Variants in CCDC186 observed in about 807,000 individuals in gnomAD.
CCDC186 encodes coiled-coil domain containing 186, also known as coiled-coil domain-containing protein 186.
Under a neutral mutation model 113.7 loss-of-function variants are expected in CCDC186, and 49 were observed. That is an observed-to-expected ratio of 0.43 (90% CI 0.34 to 0.55). The LOEUF is 0.55. CCDC186 is among the 20% of genes least tolerant of loss of function. The pLI is 0.02. For missense variants in CCDC186, 890 were observed against 1,011.1 expected (o/e 0.88, Z 1.62); for synonymous variants, 355 against 345.8 (o/e 1.03, Z -0.30).
chr10:114,141,211 A>AGT (rs1275343554), intron 6 of CCDC186, among the ~76,000 whole-genome samples: 1 of 152,042 alleles, frequency 6.6e-6, no homozygotes, highest in Non-Finnish European at 1.5e-5. Context: ...CTACTGATCT[A>AGT]GTGTTCCTTC....
intron 8 of CCDC186, 28 bp from the exon 9 acceptor site, chr10:114,136,005 A>T (rs1239805515): frequency 6.3e-7 from 1 of 1,579,658 alleles, no homozygotes; most frequent in Non-Finnish European, 8.7e-7. Flanking sequence ...AGAAACAACA[A>T]ATCATAATGT....
Position 114,162,951 on chromosome 10 carries a change from T to C in CCDC186, c.318A>G (p.Ser106=). 6.2e-7 allele frequency: 1 copy of C among 1,613,286 alleles called. No homozygotes were observed. The highest frequency in any genetic ancestry group is 8.5e-7 in the Non-Finnish European group (1 of 1,179,772). Residue 106 remains serine, a synonymous_variant, in exon 2 of 16, where the codon TCA becomes TCG. Coordinates refer to ENST00000369287, the MANE Select transcript of CCDC186 (RefSeq NM_018017.4). ...FPSGNFAKHI[S]KTNETEQKVT... ...CTTTCTGTTCTGTTTCATTTGTTTTTGAAATATGTTTAGCAAAATTTCCAC... is the reference window on the plus strand; with the variant it reads ...CTTTCTGTTCTGTTTCATTTGTTTTCGAAATATGTTTAGCAAAATTTCCAC...
intron 10 of CCDC186, among the ~76,000 whole-genome samples, chr10:114,133,035 G>C (rs2031140591): frequency 6.6e-6 from 1 of 152,202 alleles, no homozygotes; most frequent in African/African-American, 2.4e-5. Flanking sequence ...GACAATCTCT[G>C]AGGCAGTGGG....
chr10:114,144,404 AGAGC>A, intron 6 of CCDC186, 89 bp downstream of exon 6: 1 of 1,434,480 alleles, frequency 7.0e-7, no homozygotes, highest in African/African-American at 1.4e-5. Context: ...CTAATCTGAA[AGAGC>A]GAGACTCCGT....
rs745343803 is a variant in CCDC186 at position 114,144,606 on chromosome 10, G to A, written c.1112C>T (p.Thr371Met). Residue 371 changes from threonine (T) to methionine (M), a missense_variant, in exon 6 of 16, where the codon ACG becomes ATG. Coordinates refer to ENST00000369287, the MANE Select transcript of CCDC186 (RefSeq NM_018017.4). ...GTCTATTTCTCTGATGAGTCTAGTC[G>A]TTTCGCCTTCCTAAAATAATATCAC... ...HQLYETKEGE[T>M]TRLIREIDKL... The A allele has an allele frequency of 3.2e-5, 51 of 1,608,038 alleles. No individual in the cohort carries two copies. Among genetic ancestry groups the A allele is most frequent in the East Asian group, 4.5e-5 (2 of 44,760 alleles).
chr10:114,146,800 G>GT (rs1334620117), intron 4 of CCDC186, among the ~76,000 whole-genome samples: 1 of 152,136 alleles, frequency 6.6e-6, no homozygotes, highest in Non-Finnish European at 1.5e-5. Flanking sequence ...ATTGAAGAAG[G>GT]TAACTATTAA....
chr10:114,173,572 A>G (rs1236667225), intron 1 of CCDC186, among the ~76,000 whole-genome samples: 1 of 152,246 alleles, frequency 6.6e-6, no homozygotes, highest in Non-Finnish European at 1.5e-5. Flanking sequence ...GAGGGTAACA[A>G]GTCTTCACAA....
rs267602369 is a variant in CCDC186 at position 114,134,986 on chromosome 10, G to A, written c.1582C>T (p.Arg528Cys). Residue 528 changes from arginine to cysteine, a missense_variant, in exon 10 of 16, where the codon CGC (arginine) becomes TGC (cysteine). Physicochemically the swap from Arg to Cys is radical, Grantham distance 180. Transcript: ENST00000369287. The stretch of plus-strand genomic sequence containing the variant: ...AAATTCTGAATTTCAGCTTTTTGGC[G>A]ATTAATAATTTCCTTATATTTTGAT... ...ELSKYKEIIN[R>C]QKAEIQNLLD... 7 of 1,611,674 alleles carry A rather than the reference G, an allele frequency of 4.3e-6. No individual in the cohort carries two copies. The highest frequency in any genetic ancestry group is 3.3e-5 in the Admixed American group (2 of 59,776).
intron 15 of CCDC186, 69 bp from the exon 16 acceptor site, chr10:114,125,295 T>C: frequency 8.1e-7 from 1 of 1,233,104 alleles, no homozygotes; most frequent in East Asian, 2.4e-5. Flanking sequence ...CAATTCAGTT[T>C]GAACTATTTT....
chr10:114,166,737 T>A (rs900054710), intron 1 of CCDC186, among the ~76,000 whole-genome samples: 2 of 152,186 alleles, frequency 1.3e-5, no homozygotes, highest in East Asian at 3.8e-4. Context: ...GCAAACAGCA[T>A]TCAGTGGATG....
rs1589633698 is a variant in CCDC186, at chr10:114,165,792, G to A, written c.-61-2463C>T. 6.0e-6 allele frequency: 4 copies of A among 669,594 alleles called. No homozygotes were observed. In the South Asian group the frequency reaches 2.0e-4, roughly 33 times the overall value. 41.5% of individuals were successfully genotyped at this position (669,594 alleles called of 1,614,324 possible). On this transcript the variant is annotated intron_variant, in intron 1 of 15. Transcript: ENST00000369287. ...GAACCCAGGAGGCGGAGGTTGTAGT[G>A]GGCCAAGATCGTGCCATTGCACTCC...
chr10:114,171,031 A>G (rs1231451181), intron 1 of CCDC186, among the ~76,000 whole-genome samples: 1 of 152,198 alleles, frequency 6.6e-6, no homozygotes, highest in South Asian at 2.1e-4. Flanking sequence ...GTAATTTTAC[A>G]TGTCTCCTAT....
rs759686997 is a variant in CCDC186, at chr10:114,163,258, G to C, written c.11C>G (p.Thr4Arg). MSE[T>R]DHIASTSSDK... ...AGAGGAAGTAGAGGCTATGTGGTCT[G>C]TCTCTGACATGCTGACTGGCACCAA... is the stretch of plus-strand genomic sequence containing the variant. Residue 4 changes from threonine (T) to arginine (R), a missense_variant, in exon 2 of 16, where the codon ACA becomes AGA. Thr to Arg is a moderately conservative substitution (Grantham distance 71). Transcript: ENST00000369287. The C allele has an allele frequency of 2.5e-6, 4 of 1,609,190 alleles. No homozygotes were observed. The South Asian group carries it at 3.3e-5, about 13-fold the overall frequency.
chr10:114,149,986 G>T (rs867936597), intron 4 of CCDC186, among the ~76,000 whole-genome samples: 1 of 152,120 alleles, frequency 6.6e-6, no homozygotes, highest in South Asian at 2.1e-4. Flanking sequence ...GGTACAAAAG[G>T]GTTCAGAACT....
chr10:114,171,037 C>T (rs945929653), intron 1 of CCDC186, among the ~76,000 whole-genome samples: 3 of 152,184 alleles, frequency 2.0e-5, no homozygotes, highest in African/African-American at 7.2e-5. Context: ...TTACATGTCT[C>T]CTATAAATAC....
chr10:114,157,591 G>A lies in CCDC186; in HGVS notation c.722C>T (p.Thr241Ile), dbSNP rs779113682. ...DNLREELKKR[T>I]ETEKQHMNTI... ...GTTCATATGCTGCTTCTCAGTTTCT[G>A]TTCTTTTCTTTAGTTCTTCTCTTAA... The change falls in exon 3 of 16, where the codon ACA (threonine) becomes ATA (isoleucine). Residue 241 changes from threonine (T) to isoleucine (I), a missense_variant. By Grantham distance (89) the Thr-to-Ile change is moderately conservative. Transcript: ENST00000369287. 3.1e-6 allele frequency: 5 copies of A among 1,610,976 alleles called. No homozygotes were observed. The highest frequency in any genetic ancestry group is 2.2e-5 in the South Asian group (2 of 90,624).
intron 12 of CCDC186, 83 bp from the exon 13 acceptor site, chr10:114,130,054 G>A (rs576514079): frequency 1.6e-6 from 2 of 1,267,268 alleles, no homozygotes; most frequent in Middle Eastern, 1.9e-4. Context: ...TAAAATCACT[G>A]AGGCAAAAAT....
Position 114,145,693 on chromosome 10 carries a change from C to T in CCDC186, c.957G>A (p.Glu319=). 6.2e-7 allele frequency: 1 copy of T among 1,612,554 alleles called. No homozygotes were observed. The highest frequency in any genetic ancestry group is 1.1e-5 in the South Asian group (1 of 90,558). ...CCTTTCGAAGATCTAAAGATTCCTT[C>T]TCACCTCTTACATATTTCATTACCA... ...EAMVMKYVRG[E]KESLDLRKEK... is the part of the protein sequence containing the mutation. Residue 319 remains glutamate (E), a synonymous_variant, in exon 5 of 16, where the codon GAG becomes GAA. Coordinates refer to ENST00000369287, the MANE Select transcript of CCDC186 (RefSeq NM_018017.4).
intron 13 of CCDC186, 84 bp from the exon 14 acceptor site, chr10:114,127,755 T>C (rs2030954209): frequency 8.4e-7 from 1 of 1,193,112 alleles, no homozygotes; most frequent in Non-Finnish European, 1.2e-6. Context: ...CCAGCATCAT[T>C]TCAAATATTC....
Sources: gnomAD v4.1 joint callset for allele counts (sites outside exome capture counted in the v4.1 genomes callset) on GRCh38, gnomAD v4.1.1 for gene constraint, MANE v1.5 for transcripts, NCBI Gene and HGNC (gene_info 2026-07-23, HGNC 2026-07-21) for gene names.